Variants in AGO3 observed in about 807,000 individuals in gnomAD.
The protein encoded by AGO3 is protein argonaute-3.
A neutral mutation model predicts 105.5 loss-of-function variants in AGO3; 16 were observed. The ratio of observed to expected loss-of-function variants is 0.15; its 90% CI spans 0.10 to 0.23. The LOEUF (loss-of-function observed/expected upper bound fraction) is 0.23, where lower values mean the gene tolerates loss of function less well. AGO3 is among the 10% of genes least tolerant of loss of function. The pLI, the probability that AGO3 is intolerant of heterozygous loss-of-function variation, is 1.00. For missense variants in AGO3, 534 were observed against 1,088.0 expected, an observed-to-expected ratio of 0.49 and a Z score of 7.16; for synonymous variants, 340 against 367.3, an observed-to-expected ratio of 0.93 and a Z score of 0.85.
chr1:35,982,218 T>TG (rs1647065663), intron 5 of AGO3, among the ~76,000 whole-genome samples: 1 of 152,008 alleles, frequency 6.6e-6, no homozygotes, highest in African/African-American at 2.4e-5. Flanking sequence ...ACTTGAGCCT[T>TG]GGAGTTTGAG....
rs1273607516 is a variant in AGO3 at position 36,071,391 on chromosome 1, G to A, written c.*15646G>A. 6.6e-6 allele frequency: 1 copy of A among 152,168 alleles called. No individual in the cohort carries two copies. 9.4% of individuals were successfully genotyped at this position (152,168 alleles called of 1,614,324 possible). On this transcript the variant is annotated 3_prime_UTR_variant, in exon 19 of 19. Coordinates refer to ENST00000373191, the MANE Select transcript of AGO3 (RefSeq NM_024852.4). ...TACTTTTTAACCATCTTTACCGTGT[G>A]TGCCTATTTGTATTGCAGATGTGAA...
chr1:36,013,839 G>A (rs1640743190), intron 10 of AGO3, 76 bp from the exon 11 acceptor site: 10 of 1,600,458 alleles, frequency 6.2e-6, no homozygotes, highest in East Asian at 2.2e-5. Context: ...TCAATTCAGC[G>A]ATTTGAAATG....
At chr1:36,033,881 G>C (rs961960427) in intron 12 of AGO3, among the ~76,000 whole-genome samples, 2 of 152,148 alleles carry the variant, frequency 1.3e-5, no homozygotes, top group Non-Finnish European at 2.9e-5. Context: ...GGGATTATGT[G>C]CATGTTTCAC....
chr1:35,995,209 AATAT>A lies in AGO3; in HGVS notation c.659-9107_659-9104del, dbSNP rs748081363. ...GAGCAAGACACTGTCTAAAAAAAAA[AATAT>A]ATATATATATATATATATATATATT... On this transcript the variant is annotated intron_variant, in intron 5 of 18. Coordinates refer to ENST00000373191, the MANE Select transcript of AGO3 (RefSeq NM_024852.4). 1.1e-3 allele frequency among the ~76,000 whole-genome samples: 125 copies of A among 114,734 alleles called. 2 individuals carry two copies. The highest frequency in any genetic ancestry group is 4.1e-3 in the Middle Eastern group (1 of 242). The allele number at this position is 114,734 out of a possible 152,430, so 75.3% of individuals were successfully genotyped here. A position where few individuals can be genotyped will look rare whatever the true frequency, so the allele number is the denominator to read the frequency against.
intron 16 of AGO3, among the ~76,000 whole-genome samples, chr1:36,040,981 G>A (rs908894307): frequency 2.0e-5 from 3 of 149,012 alleles, no homozygotes; most frequent in Middle Eastern, 6.9e-3. Flanking sequence ...ACTGAGGCAG[G>A]AGAATCACTT....
Position 36,049,516 on chromosome 1 carries a change from C to CAA in AGO3, c.2275-5417_2275-5416dup, listed in dbSNP as rs755478576. The stretch of plus-strand genomic sequence containing the variant: ...CTGGCGACAGAGCAAGGCTCTATCT[C>CAA]AAAAAAAAAAAAAAGAAAAGAAAAA... On this transcript the variant is annotated intron_variant, in intron 17 of 18. Coordinates refer to ENST00000373191, the MANE Select transcript of AGO3 (RefSeq NM_024852.4). Among the ~76,000 whole-genome samples the CAA allele has an allele frequency of 7.8e-5, 10 of 127,848 alleles. No homozygotes were observed. In the South Asian group the frequency reaches 8.0e-4, roughly 10 times the overall value. 83.9% of individuals were successfully genotyped at this position (127,848 alleles called of 152,430 possible). A position where few individuals can be genotyped will look rare whatever the true frequency, so the allele number is the denominator to read the frequency against.
At chr1:35,956,415 C>A (rs1490247458) in intron 2 of AGO3, among the ~76,000 whole-genome samples, 6 of 152,062 alleles carry the variant, frequency 3.9e-5, no homozygotes, top group African/African-American at 1.4e-4. Flanking sequence ...AGCTAAGTGT[C>A]AGGAGATAAG....
At position 35,943,319 on chromosome 1, in the gene AGO3, T is replaced by TG. The variant is rs1237634320; in HGVS notation, c.20-2370dup. Reference sequence around the variant, plus strand: ...TGCCCATCTTTTTTTTTTTTTTTTTTGGGACAGAATCTCACTTAGCTGCCC... The same window carrying TG: ...TGCCCATCTTTTTTTTTTTTTTTTTTGGGGACAGAATCTCACTTAGCTGCCC... On this transcript the variant is annotated intron_variant, in intron 1 of 18. Coordinates refer to ENST00000373191, the MANE Select transcript of AGO3 (RefSeq NM_024852.4). 1.1e-3 allele frequency among the ~76,000 whole-genome samples: 169 copies of TG among 150,434 alleles called. No homozygotes were observed. The East Asian group carries it at 0.028, about 25-fold the overall frequency.
chr1:35,969,545 G>GAA (rs1388154744), intron 3 of AGO3, among the ~76,000 whole-genome samples: 1 of 152,106 alleles, frequency 6.6e-6, no homozygotes, highest in African/African-American at 2.4e-5. Flanking sequence ...TCTATTTATT[G>GAA]ATTTCACTGC....
chr1:36,028,401 C>A (rs1024446777), intron 12 of AGO3, among the ~76,000 whole-genome samples: 8 of 113,066 alleles, frequency 7.1e-5, no homozygotes, highest in South Asian at 3.8e-4. Context: ...TCCCCCCCCC[C>A]CACCCCACAA....
intron 9 of AGO3, among the ~76,000 whole-genome samples, chr1:36,011,866 G>A (rs970796733): frequency 1.8e-4 from 27 of 152,116 alleles, no homozygotes; most frequent in Admixed American, 1.4e-3. Context: ...AACTGTTTTT[G>A]TAGCTATAAA....
intron 17 of AGO3, among the ~76,000 whole-genome samples, chr1:36,054,557 A>G (rs1223755087): frequency 6.6e-6 from 1 of 152,028 alleles, no homozygotes; most frequent in East Asian, 1.9e-4. Context: ...CCTGTTTTTT[A>G]TGTGACTTGG....
intron 5 of AGO3, among the ~76,000 whole-genome samples, chr1:35,999,126 G>T (rs2148803602): frequency 6.6e-6 from 1 of 152,272 alleles, no homozygotes; most frequent in Non-Finnish European, 1.5e-5. Flanking sequence ...GCCAAAGCAG[G>T]TGGATCACCT....
At chr1:35,946,060 C>T (rs377527566) in intron 2 of AGO3, among the ~76,000 whole-genome samples, 197 bp downstream of exon 2, 2 of 152,114 alleles carry the variant, frequency 1.3e-5, no homozygotes, top group African/African-American at 2.4e-5. Context: ...TGTTATAACA[C>T]GAGCTCACAT....
At chr1:35,975,338 C>T (rs1472991664) in intron 5 of AGO3, among the ~76,000 whole-genome samples, 5 of 152,132 alleles carry the variant, frequency 3.3e-5, no homozygotes. Flanking sequence ...ACTACCTTTT[C>T]ACAAATATAA....
chr1:36,030,076 A>G (rs570617062), intron 12 of AGO3, among the ~76,000 whole-genome samples: 1 of 152,334 alleles, frequency 6.6e-6, no homozygotes, highest in Admixed American at 6.5e-5. Flanking sequence ...AAATAGAAAC[A>G]ATAAACAAAT....
At chr1:35,984,129 A>G (rs771131986) in intron 5 of AGO3, among the ~76,000 whole-genome samples, 6 of 152,214 alleles carry the variant, frequency 3.9e-5, no homozygotes, top group African/African-American at 7.2e-5. Context: ...AGGCAATATG[A>G]GACACCAAAT....
At chr1:35,978,185 A>G (rs1646985961) in intron 5 of AGO3, among the ~76,000 whole-genome samples, 1 of 152,108 alleles carries the variant, frequency 6.6e-6, no homozygotes. Context: ...GATGTAAGGT[A>G]CCCAAATTTC....
At position 35,946,004 on chromosome 1, in the gene AGO3, G is replaced by A. The variant is rs1305228373; in HGVS notation, c.191+141G>A. The A allele has an allele frequency of 4.6e-6, 4 of 867,364 alleles. No homozygotes were observed. In the African/African-American group the frequency reaches 6.9e-5, roughly 15 times the overall value. The allele number at this position is 867,364 out of a possible 1,614,324, so 53.7% of individuals were successfully genotyped here. On this transcript the variant is annotated intron_variant, in intron 2 of 18. Transcript: ENST00000373191. ...CTGGTAATTTGTTTTAAAACTGATT[G>A]TACTTCAGGGGTGTGATAGTGGGGA...
Sources: gnomAD v4.1 joint callset for allele counts (sites outside exome capture counted in the v4.1 genomes callset) on GRCh38, gnomAD v4.1.1 for gene constraint, MANE v1.5 for transcripts, NCBI Gene and HGNC (gene_info 2026-07-23, HGNC 2026-07-21) for gene names.